Variants in TAMALIN observed in about 807,000 individuals in gnomAD.
TAMALIN encodes protein TAMALIN.
TAMALIN carries 9 observed loss-of-function variants against 38.5 expected under a neutral mutation model. The ratio of observed to expected loss-of-function variants is 0.23; its 90% confidence interval spans 0.14 to 0.41. TAMALIN has a LOEUF of 0.41. Among genes scored for constraint, TAMALIN ranks in the 10% least tolerant of loss-of-function variants. The pLI, the probability that TAMALIN is intolerant of heterozygous loss-of-function variation, is 1.00. For missense variants in TAMALIN, 548 were observed against 554.1 expected (o/e 0.99, Z 0.11); for synonymous variants, 306 against 256.5 (o/e 1.19, Z -1.85).
rs751838039 is a variant in TAMALIN, at chr12:52,007,164, G to T, written c.145G>T (p.Gly49Trp). The change falls in exon 1 of 8, where the codon GGG (glycine) becomes TGG (tryptophan). Residue 49 changes from glycine (G) to tryptophan (W), a missense_variant. Gly to Trp is a radical substitution (Grantham distance 184, BLOSUM62 -2). This residue lies in a region of TAMALIN where 128 missense variants were observed against 117.9 expected (regional missense o/e 1.09). Transcript: ENST00000293662. The surrounding 1 kb of genome is among the most constrained non-coding windows in gnomAD (Gnocchi z 6.7). ...ACCCCCTGCCGCAGCCGCCACCCCT[G>T]GGCCCCCAGCGGACGAGCTGTACGC... ...PGPPAAAATP[G>W]PPADELYAAL... 3 of 1,498,898 alleles carry T rather than the reference G, an allele frequency of 2.0e-6. No individual in the cohort carries two copies. The highest frequency in any genetic ancestry group is 1.8e-6 in the Non-Finnish European group (2 of 1,133,540). 92.8% of individuals were successfully genotyped at this position (1,498,898 alleles called of 1,614,324 possible).
Position 52,007,664 on chromosome 12 carries a change from C to G in TAMALIN, c.246+399C>G. The stretch of plus-strand genomic sequence containing the variant: ...GGCAAGTTGAAGGTCCGAGAGCCCC[C>G]GGTGGGAGAAGCGGGCCGGTGGCTG... On this transcript the variant is annotated intron_variant, in intron 1 of 7. Transcript: ENST00000293662. The surrounding 1 kb of genome is among the most constrained non-coding windows in gnomAD (Gnocchi z 6.7). 2 of 985,430 alleles carry G rather than the reference C, an allele frequency of 2.0e-6. No individual in the cohort carries two copies. The highest frequency in any genetic ancestry group is 1.2e-6 in the Non-Finnish European group (1 of 829,930). The allele number at this position is 985,430 out of a possible 1,614,324, so 61.0% of individuals were successfully genotyped here.
chr12:52,009,128 C>T (rs1211162879), intron 1 of TAMALIN, 62 bp from the exon 2 acceptor site: 1 of 1,531,392 alleles, frequency 6.5e-7, no homozygotes, highest in Non-Finnish European at 9.0e-7. Flanking sequence ...AGGGTAACCT[C>T]TCAGTGTCTG....
In TAMALIN at chr12:52,007,139, AC is replaced by A. The variant is rs1207761936; in HGVS notation, c.125del (p.Pro42LeufsTer61). On this transcript the variant is annotated frameshift_variant, in exon 1 of 8. Coordinates refer to ENST00000293662, the MANE Select transcript of TAMALIN (RefSeq NM_181711.4). LOFTEE classifies it high-confidence loss of function. The surrounding 1 kb of genome is among the most constrained non-coding windows in gnomAD (Gnocchi z 6.7). ...APAAPVPTPG[P>X]PAAAATPGPP... Reference sequence around the variant, plus strand: ...CCGCCGCTCCGGTCCCGACCCCGGGACCCCCTGCCGCAGCCGCCACCCCTGG... The same window carrying A: ...CCGCCGCTCCGGTCCCGACCCCGGGACCCCTGCCGCAGCCGCCACCCCTGG... 3.4e-6 allele frequency: 5 copies of A among 1,477,258 alleles called. No homozygotes were observed. Among genetic ancestry groups the A allele is most frequent in the Admixed American group, 2.4e-5 (1 of 41,372 alleles). The allele number at this position is 1,477,258 out of a possible 1,614,324, so 91.5% of individuals were successfully genotyped here.
In TAMALIN at chr12:52,015,057, G is replaced by A. The variant is rs1157018904; in HGVS notation, c.1046G>A (p.Gly349Asp). Residue 349 changes from glycine (G) to aspartate (D), a missense_variant, in exon 8 of 8, where the codon GGC becomes GAC. Gly to Asp is a moderately conservative substitution (Grantham distance 94). Coordinates refer to ENST00000293662, the MANE Select transcript of TAMALIN (RefSeq NM_181711.4). ...PGGGGGGGAP[G>D]ALWTEAREQA... is the part of the protein sequence containing the mutation. ...GGGGGCGGAGGCGGGGGCGCGCCGG[G>A]CGCGCTCTGGACTGAGGCTCGCGAG... 13 of 1,401,306 alleles carry A rather than the reference G, an allele frequency of 9.3e-6. No homozygotes were observed. Among genetic ancestry groups the A allele is most frequent in the South Asian group, 5.9e-5 (4 of 67,336 alleles). The allele number at this position is 1,401,306 out of a possible 1,614,324, so 86.8% of individuals were successfully genotyped here. A position where few individuals can be genotyped will look rare whatever the true frequency, so the allele number is the denominator to read the frequency against.
intron 7 of TAMALIN, 50 bp downstream of exon 7, chr12:52,014,251 C>A: frequency 3.5e-6 from 5 of 1,435,084 alleles, no homozygotes; most frequent in East Asian, 2.4e-5. Flanking sequence ...TACAGACACC[C>A]CATCTGCGCT....
At position 52,010,905 on chromosome 12, in the gene TAMALIN, G is replaced by T; in HGVS notation, c.321G>T (p.Glu107Asp). Residue 107 changes from glutamate to aspartate, a missense_variant, in exon 3 of 8, where the codon GAG (glutamate) becomes GAT (aspartate). By Grantham distance (45) the Glu-to-Asp change is conservative (BLOSUM62 2). Around this residue, in one of 3 missense-constraint regions of TAMALIN, gnomAD observed 415 missense variants for 417.0 expected, o/e 1.00. Transcript: ENST00000293662. ...GGAAAGTGCTGACGTTGGAGAAGGA[G>T]GATAACCAGACCTTCGGCTTTGAGA... ...QQRKVLTLEK[E>D]DNQTFGFEIQ... 1.2e-6 allele frequency: 2 copies of T among 1,614,136 alleles called. No homozygotes were observed. The highest frequency in any genetic ancestry group is 2.2e-5 in the South Asian group (2 of 91,016).
Position 52,007,918 on chromosome 12 carries a change from C to T in TAMALIN, c.246+653C>T. 1 of 985,436 alleles carries T rather than the reference C, an allele frequency of 1.0e-6. No individual in the cohort carries two copies. The highest frequency in any genetic ancestry group is 4.7e-5 in the South Asian group (1 of 21,280). The allele number at this position is 985,436 out of a possible 1,614,324, so 61.0% of individuals were successfully genotyped here. A position where few individuals can be genotyped will look rare whatever the true frequency, so the allele number is the denominator to read the frequency against. The stretch of plus-strand genomic sequence containing the variant: ...CAGGAAGGATGCGGGCCGCGCCCAC[C>T]TCTGAGTCCCCTCTGCCAGCCTCTT... On this transcript the variant is annotated intron_variant, in intron 1 of 7. Transcript: ENST00000293662. The surrounding 1 kb of genome is among the most constrained non-coding windows in gnomAD (Gnocchi z 6.7).
chr12:52,007,407 G>T lies in TAMALIN; in HGVS notation c.246+142G>T, dbSNP rs1429200366. 1 of 1,267,402 alleles carries T rather than the reference G, an allele frequency of 7.9e-7. No homozygotes were observed. Among genetic ancestry groups the T allele is most frequent in the African/African-American group, 1.6e-5 (1 of 64,368 alleles). The allele number at this position is 1,267,402 out of a possible 1,614,324, so 78.5% of individuals were successfully genotyped here. A position where few individuals can be genotyped will look rare whatever the true frequency, so the allele number is the denominator to read the frequency against. ...GGCCCGCTGGGTGCCTCGACTCCCC[G>T]CGTTCCCCGCTGCTGCGAAGGCCGT... On this transcript the variant is annotated intron_variant, in intron 1 of 7. Transcript: ENST00000293662. This position sits in a 1 kb window ranked among gnomAD's most constrained non-coding sequence, Gnocchi z 6.7.
intron 4 of TAMALIN, among the ~76,000 whole-genome samples, chr12:52,013,075 CT>C (rs3035021): frequency 0.01 from 1,298 of 124,418 alleles, 11 homozygotes; most frequent in African/African-American, 0.034. Context: ...GACAGAACTT[CT>C]TTTTTTTTTT....
At chr12:52,010,518 G>C in intron 2 of TAMALIN, 1 of 1,124,372 alleles carries the variant, frequency 8.9e-7, no homozygotes, top group Non-Finnish European at 1.1e-6. Context: ...CTGTGGAACA[G>C]AGGAGGCTCC....
rs779043467 is a variant in TAMALIN at position 52,013,745 on chromosome 12, T to C, written c.513T>C (p.Ile171=). 1 of 1,614,118 alleles carries C rather than the reference T, an allele frequency of 6.2e-7. No homozygotes were observed. The change falls in exon 5 of 8, where the codon ATT becomes ATC. Residue 171 remains isoleucine, a synonymous_variant. Transcript: ENST00000293662. ...TGGAAGGCATCCGGCATCGAGAGAT[T>C]GTGGACATCATTAAGGCGTCAGGCA... is the stretch of plus-strand genomic sequence containing the variant. ...LNVEGIRHRE[I]VDIIKASGNV...
intron 4 of TAMALIN, 121 bp from the exon 5 acceptor site, chr12:52,013,566 G>A: frequency 1.4e-6 from 1 of 737,238 alleles, no homozygotes; most frequent in Non-Finnish European, 2.4e-6. Context: ...AGTTGGAGGA[G>A]GGAGTTCAGG....
chr12:52,010,967 G>A, intron 3 of TAMALIN, 32 bp downstream of exon 3: 2 of 1,614,094 alleles, frequency 1.2e-6, no homozygotes, highest in Non-Finnish European at 1.7e-6. Flanking sequence ...GGTCAGGGGG[G>A]TTGGATGACC....
At position 52,015,031 on chromosome 12, in the gene TAMALIN, C is replaced by G; in HGVS notation, c.1020C>G (p.Gly340=). ...CCAGTGTGCGGTGCGCGGGCCCTGG[C>G]GGGGGCGGAGGCGGGGGCGCGCCGG... ...RSASVRCAGP[G]GGGGGGAPGA... is the part of the protein sequence containing the mutation. Residue 340 remains glycine (G), a synonymous_variant, in exon 8 of 8, where the codon GGC becomes GGG. Coordinates refer to ENST00000293662, the MANE Select transcript of TAMALIN (RefSeq NM_181711.4). 1 of 1,304,014 alleles carries G rather than the reference C, an allele frequency of 7.7e-7. No homozygotes were observed. The highest frequency in any genetic ancestry group is 1.7e-5 in the South Asian group (1 of 57,996). The allele number at this position is 1,304,014 out of a possible 1,614,324, so 80.8% of individuals were successfully genotyped here. A position where few individuals can be genotyped will look rare whatever the true frequency, so the allele number is the denominator to read the frequency against.
At chr12:52,009,108 C>T (rs1367388359) in intron 1 of TAMALIN, 82 bp from the exon 2 acceptor site, 10 of 1,322,678 alleles carry the variant, frequency 7.6e-6, no homozygotes, top group South Asian at 3.6e-5. Context: ...GGAAGTGGGT[C>T]GCTGTGTCCA....
chr12:52,013,268 G>A (rs1332105717), intron 4 of TAMALIN, among the ~76,000 whole-genome samples: 1 of 149,726 alleles, frequency 6.7e-6, no homozygotes, highest in Non-Finnish European at 1.5e-5. Context: ...TAGTAGAGAC[G>A]GGGTTTCACC....
chr12:52,007,124 G>T lies in TAMALIN; in HGVS notation c.105G>T (p.Pro35=). ...ACTCGGAAGTCGCGCCCGCCGCTCC[G>T]GTCCCGACCCCGGGACCCCCTGCCG... is the stretch of plus-strand genomic sequence containing the variant. ...TPDSEVAPAA[P]VPTPGPPAAA... Residue 35 remains proline, a synonymous_variant, in exon 1 of 8, where the codon CCG becomes CCT. Transcript: ENST00000293662. The surrounding 1 kb of genome is among the most constrained non-coding windows in gnomAD (Gnocchi z 6.7). 1.3e-6 allele frequency: 2 copies of T among 1,485,716 alleles called. No individual in the cohort carries two copies. 92.0% of individuals were successfully genotyped at this position (1,485,716 alleles called of 1,614,324 possible). A position where few individuals can be genotyped will look rare whatever the true frequency, so the allele number is the denominator to read the frequency against.
At chr12:52,010,642 C>A in intron 2 of TAMALIN, 2 of 1,080,754 alleles carry the variant, frequency 1.9e-6, no homozygotes, top group Non-Finnish European at 2.5e-6. Flanking sequence ...GGGGACCGGC[C>A]CTTCTCTGTG....
chr12:52,013,958 A>T lies in TAMALIN; in HGVS notation c.615+15A>T. On this transcript the variant is annotated intron_variant, in intron 6 of 7. Transcript: ENST00000293662. ...AGTACCTGAAGGTAGGGGAACCTAG[A>T]TAACGTCCAGCCTCCACCCTCCTCT... 1.2e-6 allele frequency: 2 copies of T among 1,613,596 alleles called. No individual in the cohort carries two copies. Among genetic ancestry groups the T allele is most frequent in the Non-Finnish European group, 1.7e-6 (2 of 1,179,530 alleles).
Sources: gnomAD v4.1 joint callset for allele counts (sites outside exome capture counted in the v4.1 genomes callset) on GRCh38, gnomAD v4.1.1 for gene constraint, gnomAD v4.1.1 regional missense constraint, Gnocchi (gnomAD v3.1) non-coding constraint, MANE v1.5 for transcripts, NCBI Gene and HGNC (gene_info 2026-07-23, HGNC 2026-07-21) for gene names.